The following PCDH15 variants were observed in gnomAD, a reference collection of about 807,000 sequenced individuals.
PCDH15 encodes protocadherin related 15.
Under a neutral mutation model 178.5 loss-of-function variants are expected in PCDH15, and 129 were observed. The ratio of observed to expected loss-of-function variants is 0.72; its 90% CI spans 0.63 to 0.84. The LOEUF is 0.84. Ranked by LOEUF, PCDH15 falls within the 40% of genes least tolerant of loss-of-function variation. PCDH15 has a pLI of 0.00. For missense variants in PCDH15, 2,230 were observed against 2,099.9 expected (o/e 1.06, Z -1.21); for synonymous variants, 800 against 732.0 (o/e 1.09, Z -1.50).
chr10:55,390,721 G>A (rs1376536774), intron 2 of PCDH15, among the ~76,000 whole-genome samples: 1 of 152,184 alleles, frequency 6.6e-6, no homozygotes, highest in Non-Finnish European at 1.5e-5. Flanking sequence ...AATGGATGCT[G>A]TGTGAACACA....
At chr10:53,897,740 TTC>T (rs1194259107) in intron 26 of PCDH15, among the ~76,000 whole-genome samples, 2 of 152,094 alleles carry the variant, frequency 1.3e-5, no homozygotes, top group Admixed American at 1.3e-4. Context: ...ATATTCTGCT[TTC>T]TGTCTTTATG....
At chr10:55,170,977 T>G (rs1839317911) in intron 1 of PCDH15, among the ~76,000 whole-genome samples, 1 of 152,234 alleles carries the variant, frequency 6.6e-6, no homozygotes. Context: ...CACTTCCTGA[T>G]GTATCTCCTA....
chr10:53,962,896 C>T (rs1043143285), intron 21 of PCDH15, among the ~76,000 whole-genome samples: 2 of 152,118 alleles, frequency 1.3e-5, no homozygotes, highest in Non-Finnish European at 2.9e-5. Context: ...ATTTACAGTG[C>T]TTAGGCCTTG....
intron 15 of PCDH15, among the ~76,000 whole-genome samples, chr10:54,108,954 C>A (rs942981253): frequency 6.6e-6 from 1 of 151,886 alleles, no homozygotes; most frequent in Non-Finnish European, 1.5e-5. Flanking sequence ...ACTGACGCAA[C>A]AAACAAACAA....
chr10:54,234,096 C>T (rs1291791665), intron 9 of PCDH15, among the ~76,000 whole-genome samples: 1 of 150,330 alleles, frequency 6.7e-6, no homozygotes, highest in Non-Finnish European at 1.5e-5. Context: ...AGAGTTTTGA[C>T]AAAGTACGTG....
chr10:54,333,293 G>A (rs1940260967), intron 6 of PCDH15, among the ~76,000 whole-genome samples: 1 of 151,930 alleles, frequency 6.6e-6, no homozygotes, highest in South Asian at 2.1e-4. Context: ...TATAAGAATA[G>A]GATATACTTT....
intron 1 of PCDH15, among the ~76,000 whole-genome samples, chr10:54,705,387 A>G (rs1392288939): frequency 1.3e-5 from 2 of 152,192 alleles, no homozygotes; most frequent in East Asian, 1.9e-4. Context: ...TGGTAGAGAT[A>G]TAATTAATAT....
chr10:55,116,444 T>C (rs1415096289), intron 2 of PCDH15, among the ~76,000 whole-genome samples: 4 of 152,154 alleles, frequency 2.6e-5, no homozygotes, highest in African/African-American at 9.7e-5. Flanking sequence ...CCTCTCTCAA[T>C]TTATTCTTAT....
At chr10:54,203,931 C>T (rs1435634015) in intron 10 of PCDH15, among the ~76,000 whole-genome samples, 1 of 152,068 alleles carries the variant, frequency 6.6e-6, no homozygotes, top group Non-Finnish European at 1.5e-5. Context: ...GTTAATTTTG[C>T]TGGAGGGCTA....
intron 1 of PCDH15, among the ~76,000 whole-genome samples, chr10:54,778,306 A>T (rs765963187): frequency 2.6e-5 from 4 of 152,212 alleles, no homozygotes; most frequent in African/African-American, 9.6e-5. Flanking sequence ...CATTTTGTGT[A>T]GATTCCCTAT....
intron 1 of PCDH15, among the ~76,000 whole-genome samples, chr10:54,693,862 G>A (rs2095173307): frequency 6.6e-6 from 1 of 152,112 alleles, no homozygotes; most frequent in African/African-American, 2.4e-5. Flanking sequence ...TGAGTGAAAT[G>A]TCTATGGTTA....
chr10:55,392,859 G>C (rs924990048), intron 2 of PCDH15, among the ~76,000 whole-genome samples: 2 of 151,974 alleles, frequency 1.3e-5, no homozygotes, highest in Non-Finnish European at 2.9e-5. Flanking sequence ...TTACAAGTCA[G>C]ACATACTCTA....
At chr10:55,390,059 G>A (rs1288663518) in intron 2 of PCDH15, among the ~76,000 whole-genome samples, 1 of 151,988 alleles carries the variant, frequency 6.6e-6, no homozygotes, top group African/African-American at 2.4e-5. Flanking sequence ...GAGATATTGC[G>A]GGTTTAGTTC....
chr10:54,961,822 G>A (rs931272958), intron 2 of PCDH15, among the ~76,000 whole-genome samples: 7 of 151,728 alleles, frequency 4.6e-5, no homozygotes, highest in African/African-American at 1.7e-4. Flanking sequence ...GGTACCTTTG[G>A]GTCTCCTCTA....
At chr10:53,958,036 TG>T (rs1186228646) in intron 23 of PCDH15, among the ~76,000 whole-genome samples, 2 of 152,206 alleles carry the variant, frequency 1.3e-5, no homozygotes, top group African/African-American at 4.8e-5. Flanking sequence ...AGGATGAAAC[TG>T]CTTGGTTCAG....
intron 26 of PCDH15, among the ~76,000 whole-genome samples, chr10:53,867,522 T>A (rs2079542217): frequency 6.6e-6 from 1 of 152,110 alleles, no homozygotes; most frequent in African/African-American, 2.4e-5. Context: ...TTGTCAATTT[T>A]AAAAATAGAT....
At chr10:54,830,446 A>T (rs1953203461) in intron 3 of PCDH15, among the ~76,000 whole-genome samples, 1 of 152,126 alleles carries the variant, frequency 6.6e-6, no homozygotes, top group Non-Finnish European at 1.5e-5. Context: ...GACATGGATG[A>T]AGCTGGAAAC....
intron 20 of PCDH15, among the ~76,000 whole-genome samples, chr10:53,999,053 A>T (rs2091993446): frequency 2.4e-5 from 1 of 42,358 alleles, no homozygotes; most frequent in African/African-American, 9.0e-5. Flanking sequence ...ACTCAGTCTC[A>T]AAAAAAAAAA....
chr10:54,521,885 C>T (rs1276118599), intron 3 of PCDH15, among the ~76,000 whole-genome samples: 1 of 151,766 alleles, frequency 6.6e-6, no homozygotes, highest in African/African-American at 2.4e-5. Flanking sequence ...GTCAGGAGAT[C>T]GAGACCACCC....
Sources: allele counts gnomAD v4.1 joint callset (sites outside exome capture counted in the v4.1 genomes callset), GRCh38; gene constraint gnomAD v4.1.1; transcripts MANE v1.5; gene names NCBI Gene and HGNC (gene_info 2026-07-23, HGNC 2026-07-21).